The following EMG1 variants were observed in gnomAD, a reference collection of about 807,000 sequenced individuals.
EMG1 encodes EMG1 N1-specific pseudouridine methyltransferase, also known as ribosomal RNA small subunit methyltransferase NEP1.
In EMG1, 24 loss-of-function variants were observed where a neutral mutation model predicts 26.9. The observed-to-expected ratio is 0.89, with a 90% CI of 0.65 to 1.26. The LOEUF is 1.26. Among genes scored for constraint, EMG1 ranks in the 50% most tolerant of loss-of-function variants. The probability of loss-of-function intolerance (pLI) is 0.00; values close to 1 mark genes in which losing one functional copy is unlikely to be tolerated. For missense variants in EMG1, 299 were observed against 307.6 expected, an observed-to-expected ratio of 0.97 and a Z score of 0.21; for synonymous variants, 140 against 112.6, an observed-to-expected ratio of 1.24 and a Z score of -1.54.
rs1338173997 is a variant in EMG1 at position 6,976,974 on chromosome 12, T to C, written c.*1165T>C. The C allele has an allele frequency of 1.6e-6, 1 of 607,586 alleles. No individual in the cohort carries two copies. The highest frequency in any genetic ancestry group is 3.0e-6 in the Non-Finnish European group (1 of 337,070). The allele number at this position is 607,586 out of a possible 1,614,324, so 37.6% of individuals were successfully genotyped here. A position where few individuals can be genotyped will look rare whatever the true frequency, so the allele number is the denominator to read the frequency against. ...TAGCCCTTCCAGATGTTTCCTAGCA[T>C]GCCTCAATAAGTCACAGTAGTCATT... is the stretch of plus-strand genomic sequence containing the variant. On this transcript the variant is annotated 3_prime_UTR_variant, in exon 6 of 6. Transcript: ENST00000599672.
chr12:6,983,891 C>T (rs887324609), downstream of EMG1, among the ~76,000 whole-genome samples: 2 of 151,984 alleles, frequency 1.3e-5, no homozygotes, highest in Admixed American at 1.3e-4. Context: ...ATGTATAATC[C>T]CAGCACTCTG....
downstream of EMG1, chr12:6,981,169 G>A: frequency 6.2e-7 from 1 of 1,608,240 alleles, no homozygotes; most frequent in Non-Finnish European, 8.5e-7. Flanking sequence ...CTGTTGCTCA[G>A]AGGACAAGGA....
downstream of EMG1, among the ~76,000 whole-genome samples, chr12:6,992,922 TACCTAATATAA>T (rs1565602017): frequency 6.6e-6 from 1 of 152,226 alleles, no homozygotes; most frequent in African/African-American, 2.4e-5. Context: ...TTACTCATAA[TACCTAATATAA>T]TGTAAATGCA....
At chr12:6,974,897 G>C in intron 3 of EMG1, 193 bp from the exon 4 acceptor site, 1 of 795,314 alleles carries the variant, frequency 1.3e-6, no homozygotes, top group Non-Finnish European at 2.1e-6. Flanking sequence ...CTGAGTGAAA[G>C]AGGGAGTCTG....
At chr12:6,988,379 T>C (rs1946549612), downstream of EMG1, 1 of 152,266 alleles carries the variant, frequency 6.6e-6, no homozygotes, top group African/African-American at 2.4e-5. Flanking sequence ...GGTGAGTTGC[T>C]GTGACAACCC....
In EMG1 at chr12:6,975,764, T is replaced by C. The variant is rs781930537; in HGVS notation, c.690T>C (p.Cys230=). ...SNYPLSAALT[C]AKLTTAFEEV... The stretch of plus-strand genomic sequence containing the variant: ...ACCCCCTTTCTGCTGCCCTCACCTG[T>C]GCAAAACTTACCACAGCCTTTGAGG... Residue 230 remains cysteine, a synonymous_variant, in exon 6 of 6, where the codon TGT becomes TGC. Coordinates refer to ENST00000599672, the MANE Select transcript of EMG1 (RefSeq NM_006331.8). The C allele has an allele frequency of 4.3e-6, 7 of 1,613,590 alleles. No homozygotes were observed. The South Asian group carries it at 6.6e-5, about 15-fold the overall frequency.
chr12:6,978,508 C>T lies in EMG1; in HGVS notation c.*2699C>T. ...GGCCCGTCAAAATGCATACTCCTTC[C>T]TGAGAGGGAATAGCTCAGTTAGGGC... On this transcript the variant is annotated 3_prime_UTR_variant, in exon 6 of 6. Coordinates refer to ENST00000599672, the MANE Select transcript of EMG1 (RefSeq NM_006331.8). 6.2e-7 allele frequency: 1 copy of T among 1,612,474 alleles called. No homozygotes were observed. Among genetic ancestry groups the T allele is most frequent in the Non-Finnish European group, 8.5e-7 (1 of 1,178,708 alleles).
At chr12:6,989,313 G>GT (rs113013257), downstream of EMG1, among the ~76,000 whole-genome samples, 1,317 of 126,414 alleles carry the variant, frequency 0.01, 11 homozygotes, top group South Asian at 0.029. Flanking sequence ...CAAAATGCGT[G>GT]TTTTTTTTTT....
At chr12:6,997,343 G>T (rs1251879179) in exon 8 of EMG1, 1 of 150,432 alleles carries the variant, frequency 6.6e-6, no homozygotes, top group African/African-American at 2.5e-5. Context: ...AGGACTATAG[G>T]TATGTGCCGC....
chr12:6,983,516 G>A, downstream of EMG1: 3 of 1,610,786 alleles, frequency 1.9e-6, no homozygotes, highest in Non-Finnish European at 2.5e-6. Context: ...AGGTAATGCC[G>A]ATAAAACAAA....
chr12:6,996,306 A>C (rs1946635531), intron 7 of EMG1, among the ~76,000 whole-genome samples: 1 of 152,148 alleles, frequency 6.6e-6, no homozygotes, highest in South Asian at 2.1e-4. Flanking sequence ...GTAAAATGTC[A>C]CCATAAGTAT....
At chr12:6,989,944 G>C (rs1174966531), downstream of EMG1, among the ~76,000 whole-genome samples, 1 of 151,868 alleles carries the variant, frequency 6.6e-6, no homozygotes, top group Non-Finnish European at 1.5e-5. Flanking sequence ...AGGCTGAGAC[G>C]GGAGAATCAC....
rs375042715 is a variant in EMG1, at chr12:6,971,077, C to G, written c.154C>G (p.Leu52Val). 6.2e-7 allele frequency: 1 copy of G among 1,610,750 alleles called. No individual in the cohort carries two copies. Among genetic ancestry groups the G allele is most frequent in the Non-Finnish European group, 8.5e-7 (1 of 1,178,426 alleles). Residue 52 changes from leucine to valine, a missense_variant, in exon 1 of 6, where the codon CTG becomes GTG. Coordinates refer to ENST00000599672, the MANE Select transcript of EMG1 (RefSeq NM_006331.8). ...TATTGTGGTGCTGGAAGGGGCCAGT[C>G]TGGAGACAGTCAAGGTAGTTTGGGA... ...RLIVVLEGAS[L>V]ETVKVGKTYE...
intron 1 of EMG1, 60 bp downstream of exon 1, chr12:6,971,151 A>C: frequency 1.4e-6 from 2 of 1,404,816 alleles, no homozygotes; most frequent in Non-Finnish European, 2.0e-6. Context: ...CCGTGGAATG[A>C]GGGTAAGGGG....
Position 6,975,342 on chromosome 12 carries a change from T to C in EMG1, c.585T>C (p.Pro195=). The change falls in exon 5 of 6, where the codon CCT becomes CCC. Residue 195 remains proline (P), a synonymous_variant. Coordinates refer to ENST00000599672, the MANE Select transcript of EMG1 (RefSeq NM_006331.8). ...GTGAGCTGGTGCCCAGCAGTGATCC[T>C]ATTGTTTTTGTGGTAGGGGCCTTTG... ...DVRELVPSSD[P]IVFVVGAFAH... The C allele has an allele frequency of 6.2e-7, 1 of 1,606,554 alleles. No homozygotes were observed. Among genetic ancestry groups the C allele is most frequent in the Non-Finnish European group, 8.5e-7 (1 of 1,176,056 alleles).
At chr12:6,975,484 A>C in intron 5 of EMG1, 106 bp downstream of exon 5, 1 of 1,281,288 alleles carries the variant, frequency 7.8e-7, no homozygotes, top group Non-Finnish European at 1.1e-6. Context: ...TAGAAGACAC[A>C]TGACAGTTCC....
chr12:6,994,352 T>C (rs1946617212), intron 7 of EMG1, among the ~76,000 whole-genome samples: 1 of 152,032 alleles, frequency 6.6e-6, no homozygotes, highest in Non-Finnish European at 1.5e-5. Context: ...GGATTACAGG[T>C]GTGCACCACC....
At position 6,978,745 on chromosome 12, in the gene EMG1, T is replaced by G. The variant is rs990753232; in HGVS notation, c.*2936T>G. Reference sequence around the variant, plus strand: ...ATATCACATGACTAGGCAGTTTCTCTCAGCACTCTTCCTTTTCACACTTGT... The same window carrying G: ...ATATCACATGACTAGGCAGTTTCTCGCAGCACTCTTCCTTTTCACACTTGT... On this transcript the variant is annotated 3_prime_UTR_variant, in exon 6 of 6. Transcript: ENST00000599672. 135 of 1,596,588 alleles carry G rather than the reference T, an allele frequency of 8.5e-5. No homozygotes were observed. The highest frequency in any genetic ancestry group is 1.1e-4 in the Non-Finnish European group (133 of 1,170,634).
chr12:6,985,111 G>C (rs1946508721), intron 6 of EMG1, among the ~76,000 whole-genome samples: 1 of 132,946 alleles, frequency 7.5e-6, no homozygotes, highest in Admixed American at 7.8e-5. Context: ...AAAAAAAAAG[G>C]CTGGGCGCGG....
Sources: allele counts gnomAD v4.1 joint callset (sites outside exome capture counted in the v4.1 genomes callset), GRCh38; gene constraint gnomAD v4.1.1; transcripts MANE v1.5; gene names NCBI Gene and HGNC (gene_info 2026-07-23, HGNC 2026-07-21).